CNTNAP5: variants seen among roughly 807,000 people sequenced by gnomAD.
The protein encoded by CNTNAP5 is contactin associated protein family member 5, also known as contactin-associated protein-like 5.
In CNTNAP5, 72 loss-of-function variants were observed where a neutral mutation model predicts 150.2. The ratio of observed to expected loss-of-function variants is 0.48; its 90% confidence interval spans 0.40 to 0.58. The LOEUF (loss-of-function observed/expected upper bound fraction) is 0.58. CNTNAP5 is among the 20% of genes least tolerant of loss of function. CNTNAP5 has a pLI of 0.00. For missense variants in CNTNAP5, 1,636 were observed against 1,626.2 expected (o/e 1.01, Z -0.10); for synonymous variants, 672 against 619.8 (o/e 1.08, Z -1.25).
At position 124,713,265 on chromosome 2, in the gene CNTNAP5, C is replaced by CTT. The variant is rs1266733805; in HGVS notation, c.2078-33962_2078-33961dup. Among the ~76,000 whole-genome samples, 3 of 104,156 alleles carry CTT rather than the reference C, an allele frequency of 2.9e-5. 1 individual carries two copies. The East Asian group carries it at 9.4e-4, about 32-fold the overall frequency. The allele number at this position is 104,156 out of a possible 152,430, so 68.3% of individuals were successfully genotyped here. On this transcript the variant is annotated intron_variant, in intron 13 of 23. Coordinates refer to ENST00000682447, the MANE Select transcript of CNTNAP5 (RefSeq NM_001367498.1). Reference sequence around the variant, plus strand: ...TTTCTCTTTCTTTCTTTCTTTCTTTCTTTCTTTCTTTCTTTCTTTCTTTCT... The same window carrying CTT: ...TTTCTCTTTCTTTCTTTCTTTCTTTCTTTTTCTTTCTTTCTTTCTTTCTTTCT...
chr2:124,560,518 C>CAAA (rs11285774), intron 10 of CNTNAP5, among the ~76,000 whole-genome samples: 19 of 126,904 alleles, frequency 1.5e-4, no homozygotes, highest in East Asian at 2.3e-4. Flanking sequence ...GACTCCATTT[C>CAAA]AAAAAAAAAA....
At chr2:124,629,372 CTG>C (rs1212417341) in intron 12 of CNTNAP5, among the ~76,000 whole-genome samples, 1 of 152,208 alleles carries the variant, frequency 6.6e-6, no homozygotes, top group African/African-American at 2.4e-5. Context: ...TCTCAGATCA[CTG>C]TGCAATTAAA....
At chr2:124,731,758 G>A (rs529122888) in intron 13 of CNTNAP5, among the ~76,000 whole-genome samples, 4 of 151,874 alleles carry the variant, frequency 2.6e-5, no homozygotes, top group African/African-American at 7.2e-5. Context: ...ATGTGTATAT[G>A]AGTGTGTGTT....
intron 3 of CNTNAP5, 120 bp from the exon 4 acceptor site, chr2:124,417,323 A>G: frequency 3.0e-6 from 3 of 993,690 alleles, no homozygotes; most frequent in South Asian, 1.7e-5. Flanking sequence ...TCATATTTCA[A>G]TTGAAATACG....
At chr2:124,311,495 T>C (rs534613644) in intron 3 of CNTNAP5, among the ~76,000 whole-genome samples, 1 of 152,246 alleles carries the variant, frequency 6.6e-6, no homozygotes, top group South Asian at 2.1e-4. Context: ...AGATTTTTTG[T>C]CTTTTTACAA....
At chr2:124,390,351 A>G (rs112961995) in intron 3 of CNTNAP5, among the ~76,000 whole-genome samples, 7,834 of 152,314 alleles carry the variant, frequency 0.051, 230 homozygotes, top group Non-Finnish European at 0.069. Context: ...AAATTTAGTT[A>G]CATCTCTTCC....
intron 4 of CNTNAP5, among the ~76,000 whole-genome samples, chr2:124,422,574 G>A (rs558106913): frequency 6.6e-6 from 1 of 152,186 alleles, no homozygotes; most frequent in South Asian, 2.1e-4. Context: ...TGTCAACATT[G>A]CCAAATGTTG....
At chr2:124,328,453 C>G (rs1689272940) in intron 3 of CNTNAP5, among the ~76,000 whole-genome samples, 1 of 152,204 alleles carries the variant, frequency 6.6e-6, no homozygotes, top group Non-Finnish European at 1.5e-5. Flanking sequence ...AGAGCTCAAT[C>G]CAAAATCTCC....
chr2:124,793,975 G>C (rs1372219568), intron 18 of CNTNAP5, among the ~76,000 whole-genome samples: 1 of 152,076 alleles, frequency 6.6e-6, no homozygotes, highest in Non-Finnish European at 1.5e-5. Flanking sequence ...CATTAATAGG[G>C]AATTGCACTT....
At chr2:124,133,678 T>C (rs1427448198) in intron 1 of CNTNAP5, among the ~76,000 whole-genome samples, 1 of 152,054 alleles carries the variant, frequency 6.6e-6, no homozygotes. Flanking sequence ...AGTGCTTTTT[T>C]TCCCTCTGCA....
At chr2:124,061,668 C>A (rs567668412) in intron 1 of CNTNAP5, among the ~76,000 whole-genome samples, 1 of 152,022 alleles carries the variant, frequency 6.6e-6, no homozygotes, top group South Asian at 2.1e-4. Flanking sequence ...ACATCATTGA[C>A]AAATAAGAAA....
intron 6 of CNTNAP5, among the ~76,000 whole-genome samples, chr2:124,447,348 C>T (rs150736441): frequency 1.3e-5 from 2 of 152,178 alleles, no homozygotes; most frequent in Admixed American, 1.3e-4. Context: ...CGAGACTACC[C>T]TTTGACTTTC....
chr2:124,698,918 G>C (rs917535012), intron 13 of CNTNAP5, among the ~76,000 whole-genome samples: 2 of 152,122 alleles, frequency 1.3e-5, no homozygotes, highest in African/African-American at 2.4e-5. Flanking sequence ...CTGATCCTTC[G>C]AAGAGTGGCA....
chr2:124,076,191 C>G (rs908754774), intron 1 of CNTNAP5, among the ~76,000 whole-genome samples: 1 of 152,004 alleles, frequency 6.6e-6, no homozygotes, highest in African/African-American at 2.4e-5. Flanking sequence ...AATCTCAAAC[C>G]CTGACTTCAC....
chr2:124,578,258 A>C (rs1048602470), intron 11 of CNTNAP5, among the ~76,000 whole-genome samples: 1 of 148,062 alleles, frequency 6.8e-6, no homozygotes, highest in African/African-American at 2.5e-5. Flanking sequence ...TGAACTCGGG[A>C]GGCATAGGCT....
intron 3 of CNTNAP5, among the ~76,000 whole-genome samples, chr2:124,399,145 C>A (rs914637107): frequency 2.0e-5 from 3 of 151,870 alleles, no homozygotes; most frequent in Non-Finnish European, 4.4e-5. Flanking sequence ...CTCATTTTCC[C>A]TAGGAAGGGA....
chr2:124,155,818 A>T (rs1684513116), intron 1 of CNTNAP5, among the ~76,000 whole-genome samples: 1 of 152,236 alleles, frequency 6.6e-6, no homozygotes, highest in Non-Finnish European at 1.5e-5. Flanking sequence ...ATAAAAATCA[A>T]TAAATTTGAA....
At chr2:124,113,198 T>C (rs1304345897) in intron 1 of CNTNAP5, among the ~76,000 whole-genome samples, 6 of 152,126 alleles carry the variant, frequency 3.9e-5, no homozygotes. Context: ...GCATGATTCA[T>C]AGTAGCTAGA....
At chr2:124,717,365 G>C (rs1679966411) in intron 13 of CNTNAP5, among the ~76,000 whole-genome samples, 1 of 152,200 alleles carries the variant, frequency 6.6e-6, no homozygotes, top group African/African-American at 2.4e-5. Context: ...CTTGAGAATT[G>C]AATGTTGCAC....
Sources: gnomAD v4.1 joint callset for allele counts (sites outside exome capture counted in the v4.1 genomes callset) on GRCh38, gnomAD v4.1.1 for gene constraint, MANE v1.5 for transcripts, NCBI Gene and HGNC (gene_info 2026-07-23, HGNC 2026-07-21) for gene names.